The following ARHGAP32 variants were observed in gnomAD, a reference collection of about 807,000 sequenced individuals.
The protein encoded by ARHGAP32 is Rho GTPase activating protein 32, also known as rho GTPase-activating protein 32.
A neutral mutation model predicts 186.5 loss-of-function variants in ARHGAP32; 51 were observed. The ratio of observed to expected loss-of-function variants is 0.27; its 90% confidence interval spans 0.22 to 0.35. ARHGAP32 has a LOEUF of 0.35. Among genes scored for constraint, ARHGAP32 ranks in the 10% least tolerant of loss-of-function variants. The probability of loss-of-function intolerance (pLI) is 1.00; values close to 1 mark genes in which losing one functional copy is unlikely to be tolerated. For synonymous variants in ARHGAP32, 950 were observed against 964.3 expected (o/e 0.99, Z 0.27); for missense variants, 2,186 against 2,623.5 (o/e 0.83, Z 3.64).
intron 1 of ARHGAP32, among the ~76,000 whole-genome samples, chr11:129,232,996 T>A (rs1342896178): frequency 6.6e-6 from 1 of 152,168 alleles, no homozygotes; most frequent in African/African-American, 2.4e-5. Context: ...CTTAAACATA[T>A]ATATTTGTCA....
intron 2 of ARHGAP32, among the ~76,000 whole-genome samples, chr11:129,139,488 AC>A (rs1359491712): frequency 2.0e-5 from 3 of 152,234 alleles, no homozygotes; most frequent in Admixed American, 6.5e-5. Flanking sequence ...CTGTGTCCCC[AC>A]CCAAATCTGA....
rs746763363 is a variant in ARHGAP32, at chr11:129,022,420, T to C, written c.1045+18508A>G. Among the ~76,000 whole-genome samples, 106 of 152,096 alleles carry C rather than the reference T, an allele frequency of 7.0e-4. 3 individuals carry two copies. Among genetic ancestry groups the C allele is most frequent in the South Asian group, 2.1e-4 (1 of 4,828 alleles). On this transcript the variant is annotated intron_variant, in intron 11 of 22. Transcript: ENST00000682385. Reference sequence around the variant, plus strand: ...TAGAGGGGAAAGTTTCTATATTTGGTGAGTATGGAACTGACAATGAGTTCT... The same window carrying C: ...TAGAGGGGAAAGTTTCTATATTTGGCGAGTATGGAACTGACAATGAGTTCT...
intron 1 of ARHGAP32, among the ~76,000 whole-genome samples, chr11:129,209,326 G>A (rs1380331762): frequency 3.9e-5 from 6 of 152,060 alleles, no homozygotes; most frequent in South Asian, 2.1e-4. Flanking sequence ...AGAGAGGCAA[G>A]AGAGGAAAGG....
intron 9 of ARHGAP32, 47 bp downstream of exon 9, chr11:129,063,855 G>T: frequency 6.4e-7 from 1 of 1,566,576 alleles, no homozygotes; most frequent in South Asian, 1.2e-5. Flanking sequence ...GATGAGGCCA[G>T]AAAGTTAGCA....
intron 11 of ARHGAP32, among the ~76,000 whole-genome samples, chr11:129,016,654 C>G (rs965878215): frequency 3.3e-5 from 5 of 152,068 alleles, no homozygotes; most frequent in African/African-American, 1.2e-4. Flanking sequence ...AAGATGAGTC[C>G]CTTCATTCAC....
chr11:129,167,629 A>C (rs1473662619), intron 1 of ARHGAP32, among the ~76,000 whole-genome samples: 1 of 152,176 alleles, frequency 6.6e-6, no homozygotes, highest in Non-Finnish European at 1.5e-5. Context: ...AAGACCACAA[A>C]TCATATAATT....
intron 1 of ARHGAP32, among the ~76,000 whole-genome samples, chr11:129,221,479 CTGTGTGTGTGTGTGTGTGTGTGTG>C (rs537808170): frequency 4.9e-5 from 6 of 121,278 alleles, no homozygotes; most frequent in East Asian, 2.5e-4. Context: ...ATTGTCATTA[CTGTGTGTGTGTGTGTGTGTGTGTG>C]TGTGTGTGTG....
chr11:128,987,705 A>G lies in ARHGAP32; in HGVS notation c.1298+318T>C, dbSNP rs1474195639. On this transcript the variant is annotated intron_variant, in intron 13 of 22. Coordinates refer to ENST00000682385, the MANE Select transcript of ARHGAP32 (RefSeq NM_001378024.1). Reference sequence around the variant, plus strand: ...TTCCCATCCATTTTAATTAACACCTAAAGAATAATTTTATTATAATGCAAA... The same window carrying G: ...TTCCCATCCATTTTAATTAACACCTGAAGAATAATTTTATTATAATGCAAA... Among the ~76,000 whole-genome samples, 5 of 152,168 alleles carry G rather than the reference A, an allele frequency of 3.3e-5. No individual in the cohort carries two copies. In the East Asian group the frequency reaches 5.8e-4, roughly 18 times the overall value.
chr11:129,240,755 T>C (rs11221616), intron 1 of ARHGAP32, among the ~76,000 whole-genome samples: 25,219 of 152,246 alleles, frequency 0.17, 2,671 homozygotes, highest in East Asian at 0.28. Flanking sequence ...TTTTCTTTTA[T>C]ATTTTTTGTC....
At position 129,148,574 on chromosome 11, in the gene ARHGAP32, T is replaced by G. The variant is rs141562662; in HGVS notation, c.225+15745A>C. ...GGATCACAGGACAGAGAAAGCTTCC[T>G]ACTGAAATAAGTAGTAATTCTGACT... On this transcript the variant is annotated intron_variant, in intron 2 of 22. Transcript: ENST00000682385. 1.5e-3 allele frequency among the ~76,000 whole-genome samples: 225 copies of G among 152,284 alleles called. 1 individual carries two copies. The highest frequency in any genetic ancestry group is 5.0e-3 in the African/African-American group (208 of 41,566).
At chr11:129,193,521 T>C (rs1944311276), upstream of ARHGAP32, among the ~76,000 whole-genome samples, 1 of 86,110 alleles carries the variant, frequency 1.2e-5, no homozygotes, top group Non-Finnish European at 2.1e-5. Context: ...TGCAGGTCCC[T>C]AGAGCATATA....
At chr11:129,056,262 A>C (rs1321089056) in intron 10 of ARHGAP32, among the ~76,000 whole-genome samples, 1 of 152,224 alleles carries the variant, frequency 6.6e-6, no homozygotes, top group East Asian at 1.9e-4. Context: ...CTGTAACTAT[A>C]CAAAAATCAA....
At position 128,981,809 on chromosome 11, in the gene ARHGAP32, A is replaced by G. The variant is rs1301762288; in HGVS notation, c.1634+20T>C. 1.3e-6 allele frequency: 2 copies of G among 1,533,540 alleles called. No individual in the cohort carries two copies. The highest frequency in any genetic ancestry group is 2.2e-5 in the East Asian group (1 of 44,456). The allele number at this position is 1,533,540 out of a possible 1,614,324, so 95.0% of individuals were successfully genotyped here. On this transcript the variant is annotated intron_variant, in intron 16 of 22. Coordinates refer to ENST00000682385, the MANE Select transcript of ARHGAP32 (RefSeq NM_001378024.1). ...TTTAGGATTAGTTCTACTAAAATTA[A>G]TAAGTGAAATGCAAATTACCTTAAC...
intron 1 of ARHGAP32, among the ~76,000 whole-genome samples, chr11:129,208,425 G>A (rs759141910): frequency 7.0e-4 from 106 of 152,058 alleles, no homozygotes; most frequent in Non-Finnish European, 7.4e-4. Context: ...TTGTCAAGGA[G>A]AACTAGATCT....
intron 1 of ARHGAP32, among the ~76,000 whole-genome samples, chr11:129,269,605 T>C (rs1591388765): frequency 6.6e-6 from 1 of 152,060 alleles, no homozygotes; most frequent in East Asian, 1.9e-4. Context: ...CACGCACCTA[T>C]AGTCTTAGCT....
chr11:129,014,962 T>C (rs1479828843), intron 11 of ARHGAP32, among the ~76,000 whole-genome samples: 1 of 152,208 alleles, frequency 6.6e-6, no homozygotes, highest in African/African-American at 2.4e-5. Flanking sequence ...TAAAATTCCA[T>C]AAATTGCTTT....
At chr11:129,058,334 T>G (rs1940350278) in intron 10 of ARHGAP32, among the ~76,000 whole-genome samples, 1 of 151,974 alleles carries the variant, frequency 6.6e-6, no homozygotes, top group African/African-American at 2.4e-5. Flanking sequence ...CCCATCCATA[T>G]CAGAATATAT....
At chr11:129,064,659 A>G (rs1453478961) in intron 8 of ARHGAP32, among the ~76,000 whole-genome samples, 182 bp downstream of exon 8, 2 of 152,176 alleles carry the variant, frequency 1.3e-5, no homozygotes, top group African/African-American at 4.8e-5. Flanking sequence ...CAAGATTATC[A>G]AAGAAAGATT....
chr11:129,048,913 C>T (rs1939923912), intron 10 of ARHGAP32, among the ~76,000 whole-genome samples: 1 of 151,920 alleles, frequency 6.6e-6, no homozygotes, highest in Non-Finnish European at 1.5e-5. Flanking sequence ...TAGAAAAAAG[C>T]AACTTGTGTA....
Sources: allele counts gnomAD v4.1 joint callset (sites outside exome capture counted in the v4.1 genomes callset), GRCh38; gene constraint gnomAD v4.1.1; transcripts MANE v1.5; gene names NCBI Gene and HGNC (gene_info 2026-07-23, HGNC 2026-07-21).